TSPAN32: variants seen among roughly 807,000 people sequenced by gnomAD.
TSPAN32 encodes the protein tetraspanin 32.
Under a neutral mutation model 42.7 loss-of-function variants are expected in TSPAN32, and 47 were observed. The ratio of observed to expected loss-of-function variants is 1.10; its 90% CI spans 0.87 to 1.40. The LOEUF (loss-of-function observed/expected upper bound fraction) is 1.40, where lower values mean the gene tolerates loss of function less well. Among genes scored for constraint, TSPAN32 ranks in the 40% most tolerant of loss-of-function variants. The pLI, the probability that TSPAN32 is intolerant of heterozygous loss-of-function variation, is 0.00. For synonymous variants in TSPAN32, 175 were observed against 175.9 expected, an observed-to-expected ratio of 0.99 and a Z score of 0.04; for missense variants, 469 against 424.1, an observed-to-expected ratio of 1.11 and a Z score of -0.93.
rs1848564494 is a variant in TSPAN32, at chr11:2,313,142, C to G, written c.355-512C>G. Among the ~76,000 whole-genome samples the G allele has an allele frequency of 6.6e-6, 1 of 152,112 alleles. No homozygotes were observed. Among genetic ancestry groups the G allele is most frequent in the Non-Finnish European group, 1.5e-5 (1 of 68,014 alleles). On this transcript the variant is annotated intron_variant, in intron 4 of 9. Coordinates refer to ENST00000182290, the MANE Select transcript of TSPAN32 (RefSeq NM_139022.3). This position sits in a 1 kb window ranked among gnomAD's most constrained non-coding sequence, Gnocchi z 9.1. ...ATCTGGCCTCAGGTGCCCAAGGCTT[C>G]TCTGGTCAAAAGCCTTACCCGGAGC... is the stretch of plus-strand genomic sequence containing the variant.
chr11:2,309,246 G>C (rs1848318472), intron 4 of TSPAN32: 4 of 436,982 alleles, frequency 9.2e-6, no homozygotes, highest in Non-Finnish European at 2.0e-5. Context: ...TGGTGGGGCA[G>C]ACGGTACCAG....
At position 2,317,025 on chromosome 11, in the gene TSPAN32, C is replaced by G. The variant is rs1200508006; in HGVS notation, c.720-319C>G. On this transcript the variant is annotated intron_variant, in intron 8 of 9. Transcript: ENST00000182290. The surrounding 1 kb of genome is among the most constrained non-coding windows in gnomAD (Gnocchi z 6.2). ...CTTAGGGGGCAGGGAGGGTCCAACC[C>G]ACAGCCAGGCAGCTCTTCCTGCCCC... Among the ~76,000 whole-genome samples, 1 of 152,002 alleles carries G rather than the reference C, an allele frequency of 6.6e-6. No individual in the cohort carries two copies. The highest frequency in any genetic ancestry group is 1.5e-5 in the Non-Finnish European group (1 of 67,968).
Position 2,313,838 on chromosome 11 carries a change from G to A in TSPAN32, c.456+83G>A, listed in dbSNP as rs1428737932. 2.6e-6 allele frequency: 3 copies of A among 1,153,888 alleles called. No homozygotes were observed. The highest frequency in any genetic ancestry group is 3.1e-5 in the African/African-American group (2 of 65,568). 71.5% of individuals were successfully genotyped at this position (1,153,888 alleles called of 1,614,324 possible). A position where few individuals can be genotyped will look rare whatever the true frequency, so the allele number is the denominator to read the frequency against. On this transcript the variant is annotated intron_variant, in intron 5 of 9. Coordinates refer to ENST00000182290, the MANE Select transcript of TSPAN32 (RefSeq NM_139022.3). This position sits in a 1 kb window ranked among gnomAD's most constrained non-coding sequence, Gnocchi z 9.1. ...AGAGAACAGGCGCAGGGTGGCCAGT[G>A]AGAGGTCTGGCCAGGCACCGAGGGG...
At chr11:2,316,115 G>T in intron 6 of TSPAN32, 114 bp from the exon 7 acceptor site, 1 of 1,524,268 alleles carries the variant, frequency 6.6e-7, no homozygotes. Context: ...CCGCCGCCCT[G>T]CTGCCCTGGC....
chr11:2,306,720 A>AAGG (rs900154459), intron 3 of TSPAN32, among the ~76,000 whole-genome samples: 2 of 149,636 alleles, frequency 1.3e-5, no homozygotes, highest in Admixed American at 1.3e-4. Context: ...CTCAGCCAGC[A>AAGG]AGGAGGAGGA....
At chr11:2,314,328 G>C (rs1312547341) in intron 5 of TSPAN32, among the ~76,000 whole-genome samples, 157 bp from the exon 6 acceptor site, 1 of 152,166 alleles carries the variant, frequency 6.6e-6, no homozygotes, top group Non-Finnish European at 1.5e-5. Context: ...GCAATGGCTG[G>C]AGCCCCAGCA....
At position 2,317,302 on chromosome 11, in the gene TSPAN32, T is replaced by C; in HGVS notation, c.720-42T>C. The C allele has an allele frequency of 6.6e-7, 1 of 1,504,832 alleles. No individual in the cohort carries two copies. The highest frequency in any genetic ancestry group is 9.1e-7 in the Non-Finnish European group (1 of 1,103,310). 93.2% of individuals were successfully genotyped at this position (1,504,832 alleles called of 1,614,324 possible). ...CCACAATAGCCTCACAGGTCCCCTG[T>C]AGAACATTCCACCACAGCCCCATGA... On this transcript the variant is annotated intron_variant, in intron 8 of 9. Coordinates refer to ENST00000182290, the MANE Select transcript of TSPAN32 (RefSeq NM_139022.3). The surrounding 1 kb of genome is among the most constrained non-coding windows in gnomAD (Gnocchi z 6.2).
At position 2,317,293 on chromosome 11, in the gene TSPAN32, G is replaced by A; in HGVS notation, c.720-51G>A. ...TAGAACATTCCACAATAGCCTCACA[G>A]GTCCCCTGTAGAACATTCCACCACA... On this transcript the variant is annotated intron_variant, in intron 8 of 9. Coordinates refer to ENST00000182290, the MANE Select transcript of TSPAN32 (RefSeq NM_139022.3). The surrounding 1 kb of genome is among the most constrained non-coding windows in gnomAD (Gnocchi z 6.2). 6.9e-7 allele frequency: 1 copy of A among 1,441,506 alleles called. No individual in the cohort carries two copies. The highest frequency in any genetic ancestry group is 1.4e-5 in the African/African-American group (1 of 70,926). 89.3% of individuals were successfully genotyped at this position (1,441,506 alleles called of 1,614,324 possible).
rs1466869621 is a variant in TSPAN32 at position 2,317,628 on chromosome 11, T to C, written c.901+103T>C. Reference sequence around the variant, plus strand: ...GGCCCAGCCAGAGAGCCAGGCTCCATTGGGAACAGATGCAAGGGTAAGGGG... The same window carrying C: ...GGCCCAGCCAGAGAGCCAGGCTCCACTGGGAACAGATGCAAGGGTAAGGGG... On this transcript the variant is annotated intron_variant, in intron 9 of 9. Coordinates refer to ENST00000182290, the MANE Select transcript of TSPAN32 (RefSeq NM_139022.3). This position sits in a 1 kb window ranked among gnomAD's most constrained non-coding sequence, Gnocchi z 6.2. 37 of 1,492,412 alleles carry C rather than the reference T, an allele frequency of 2.5e-5. No individual in the cohort carries two copies. Among genetic ancestry groups the C allele is most frequent in the Middle Eastern group, 2.4e-4 (1 of 4,218 alleles). 92.4% of individuals were successfully genotyped at this position (1,492,412 alleles called of 1,614,324 possible).
chr11:2,316,138 G>A (rs1218425023), intron 6 of TSPAN32, 91 bp from the exon 7 acceptor site: 6 of 1,517,926 alleles, frequency 4.0e-6, no homozygotes, highest in Non-Finnish European at 5.3e-6. Context: ...TGGCCTAGGT[G>A]GGCGCTGCAG....
At chr11:2,315,108 G>A (rs1229351687) in intron 6 of TSPAN32, 1 of 492,342 alleles carries the variant, frequency 2.0e-6, no homozygotes, top group African/African-American at 2.2e-5. Flanking sequence ...TCCTCCCCAG[G>A]GCCCTGGGAG....
intron 3 of TSPAN32, among the ~76,000 whole-genome samples, chr11:2,308,261 C>G (rs1288431099): frequency 6.6e-6 from 1 of 152,134 alleles, no homozygotes; most frequent in East Asian, 1.9e-4. Flanking sequence ...CAGGCCAAGT[C>G]TCCCTCTCAG....
intron 1 of TSPAN32, chr11:2,302,562 C>T (rs1847818468): frequency 3.7e-6 from 2 of 544,170 alleles, no homozygotes; most frequent in South Asian, 4.5e-5. Context: ...GTGGGGCTCA[C>T]TCCCACTCCG....
rs1454949430 is a variant in TSPAN32 at position 2,317,552 on chromosome 11, C to T, written c.901+27C>T. ...TGAAGACGCCCCTGCTGTCAGCCCT[C>T]ATGGGATCCCTGAGGGGAGGGTCCG... On this transcript the variant is annotated intron_variant, in intron 9 of 9. Transcript: ENST00000182290. This position sits in a 1 kb window ranked among gnomAD's most constrained non-coding sequence, Gnocchi z 6.2. 6.4e-7 allele frequency: 1 copy of T among 1,551,468 alleles called. No individual in the cohort carries two copies. Among genetic ancestry groups the T allele is most frequent in the African/African-American group, 1.4e-5 (1 of 73,692 alleles).
rs1848567382 is a variant in TSPAN32 at position 2,313,198 on chromosome 11, G to C, written c.355-456G>C. Reference sequence around the variant, plus strand: ...TGCCCGGGCTTCCAGAAGGCAGCCGGGTGATTCTTGGGAAAGATCTAGAAT... The same window carrying C: ...TGCCCGGGCTTCCAGAAGGCAGCCGCGTGATTCTTGGGAAAGATCTAGAAT... On this transcript the variant is annotated intron_variant, in intron 4 of 9. Transcript: ENST00000182290. The surrounding 1 kb of genome is among the most constrained non-coding windows in gnomAD (Gnocchi z 9.1). Among the ~76,000 whole-genome samples, 1 of 152,142 alleles carries C rather than the reference G, an allele frequency of 6.6e-6. No homozygotes were observed. Among genetic ancestry groups the C allele is most frequent in the Non-Finnish European group, 1.5e-5 (1 of 68,024 alleles).
intron 6 of TSPAN32, 44 bp from the exon 7 acceptor site, chr11:2,316,185 G>A (rs751564643): frequency 1.3e-6 from 2 of 1,515,666 alleles, no homozygotes; most frequent in Non-Finnish European, 1.8e-6. Context: ...TCCAGGCAGG[G>A]AGGGCCGCTC....
rs895700366 is a variant in TSPAN32 at position 2,313,503 on chromosome 11, G to A, written c.355-151G>A. On this transcript the variant is annotated intron_variant, in intron 4 of 9. Coordinates refer to ENST00000182290, the MANE Select transcript of TSPAN32 (RefSeq NM_139022.3). The surrounding 1 kb of genome is among the most constrained non-coding windows in gnomAD (Gnocchi z 9.1). ...CTGGCTGCCCAGGGACCCAGGTTCCGCTTTGGGGAGATCCACCTGCTACAA... is the reference window on the plus strand; with the variant it reads ...CTGGCTGCCCAGGGACCCAGGTTCCACTTTGGGGAGATCCACCTGCTACAA... 21 of 621,668 alleles carry A rather than the reference G, an allele frequency of 3.4e-5. No homozygotes were observed. The highest frequency in any genetic ancestry group is 1.5e-4 in the African/African-American group (8 of 54,240). 38.5% of individuals were successfully genotyped at this position (621,668 alleles called of 1,614,324 possible).
At chr11:2,312,295 G>A (rs1242025863) in intron 4 of TSPAN32, among the ~76,000 whole-genome samples, 1 of 152,206 alleles carries the variant, frequency 6.6e-6, no homozygotes. Context: ...GTCCTCACCA[G>A]GACCTCCACC....
In TSPAN32 at chr11:2,317,118, A is replaced by G. The variant is rs1398780639; in HGVS notation, c.720-226A>G. Reference sequence around the variant, plus strand: ...ACCCACTTGCTCTTCCTGGCCATCCAAGCCCTCATCCCTGGGTCCTCTGCA... The same window carrying G: ...ACCCACTTGCTCTTCCTGGCCATCCGAGCCCTCATCCCTGGGTCCTCTGCA... On this transcript the variant is annotated intron_variant, in intron 8 of 9. Transcript: ENST00000182290. This position sits in a 1 kb window ranked among gnomAD's most constrained non-coding sequence, Gnocchi z 6.2. 6.6e-6 allele frequency among the ~76,000 whole-genome samples: 1 copy of G among 152,022 alleles called. No individual in the cohort carries two copies. Among genetic ancestry groups the G allele is most frequent in the Non-Finnish European group, 1.5e-5 (1 of 68,004 alleles).
Sources: allele counts gnomAD v4.1 joint callset (sites outside exome capture counted in the v4.1 genomes callset), GRCh38; gene constraint gnomAD v4.1.1; non-coding constraint Gnocchi (gnomAD v3.1); transcripts MANE v1.5; gene names NCBI Gene and HGNC (gene_info 2026-07-23, HGNC 2026-07-21).